The following MACO1 variants were observed in gnomAD, a reference collection of about 807,000 sequenced individuals.
The protein encoded by MACO1 is macoilin.
MACO1 carries 14 observed loss-of-function variants against 78.7 expected under a neutral mutation model. The ratio of observed to expected loss-of-function variants is 0.18; its 90% confidence interval spans 0.12 to 0.28. The LOEUF is 0.28. Ranked by LOEUF, MACO1 falls within the 10% of genes least tolerant of loss-of-function variation. MACO1 has a pLI of 1.00. For missense variants in MACO1, 501 were observed against 799.0 expected (o/e 0.63, Z 4.50); for synonymous variants, 288 against 291.6 (o/e 0.99, Z 0.12).
chr1:25,448,325 G>A (rs1190990221), intron 2 of MACO1, among the ~76,000 whole-genome samples: 2 of 152,146 alleles, frequency 1.3e-5, no homozygotes, highest in Non-Finnish European at 2.9e-5. Flanking sequence ...TTAGTTGGGT[G>A]TAGTGGCAAG....
chr1:25,458,795 AAGC>A lies in MACO1; in HGVS notation c.1060_1062del (p.Gln354del). On this transcript the variant is annotated inframe_deletion, in exon 6 of 11. Transcript: ENST00000374343. ...TTCCTCATCTAGTAAAAATGAGAAG[AAGC>A]AGAAATGCACTAGCAAGAGCCCAAG... is the stretch of plus-strand genomic sequence containing the variant. The A allele has an allele frequency of 6.2e-7, 1 of 1,614,198 alleles. No homozygotes were observed. Among genetic ancestry groups the A allele is most frequent in the South Asian group, 1.1e-5 (1 of 91,082 alleles).
intron 1 of MACO1, among the ~76,000 whole-genome samples, chr1:25,439,683 T>C (rs1156398285): frequency 6.6e-6 from 1 of 151,996 alleles, no homozygotes; most frequent in Admixed American, 6.5e-5. Context: ...TTTTTTTTTT[T>C]TGTCAAAAAA....
intron 9 of MACO1, among the ~76,000 whole-genome samples, chr1:25,491,105 G>A (rs1359626935): frequency 6.6e-6 from 1 of 152,204 alleles, no homozygotes; most frequent in East Asian, 1.9e-4. Flanking sequence ...CACGTGGCCA[G>A]CAAGGAAAAA....
intron 1 of MACO1, among the ~76,000 whole-genome samples, chr1:25,431,915 T>C (rs1347738171): frequency 6.7e-5 from 2 of 29,690 alleles, no homozygotes; most frequent in Non-Finnish European, 1.5e-4. Context: ...CTCCAAACTC[T>C]TTTTTTTTTT....
At chr1:25,438,989 T>G (rs916888677) in intron 1 of MACO1, among the ~76,000 whole-genome samples, 1 of 152,130 alleles carries the variant, frequency 6.6e-6, no homozygotes, top group Admixed American at 6.5e-5. Context: ...CACATTTGTT[T>G]ATATAGAAAA....
At chr1:25,489,999 A>G (rs1449151920) in intron 9 of MACO1, among the ~76,000 whole-genome samples, 1 of 152,224 alleles carries the variant, frequency 6.6e-6, no homozygotes, top group East Asian at 1.9e-4. Flanking sequence ...AAAAAATTAG[A>G]AACTCATCTC....
chr1:25,454,907 G>GC (rs916874852), intron 4 of MACO1, among the ~76,000 whole-genome samples: 7 of 152,030 alleles, frequency 4.6e-5, no homozygotes, highest in African/African-American at 7.3e-5. Context: ...AAGACCATGA[G>GC]CCCCCCCTTT....
At chr1:25,453,435 G>C (rs2043085852) in intron 3 of MACO1, among the ~76,000 whole-genome samples, 2 of 151,070 alleles carry the variant, frequency 1.3e-5, no homozygotes, top group Admixed American at 1.3e-4. Context: ...AGGCTGAGGT[G>C]GGCGGATCAC....
intron 1 of MACO1, among the ~76,000 whole-genome samples, chr1:25,434,013 A>G (rs552606860): frequency 5.3e-5 from 8 of 152,314 alleles, no homozygotes; most frequent in African/African-American, 1.7e-4. Context: ...CTTTTAAATC[A>G]TGGGCTGCAG....
In MACO1 at chr1:25,490,749, A is replaced by G. The variant is rs560639246; in HGVS notation, c.1618-661A>G. Among the ~76,000 whole-genome samples the G allele has an allele frequency of 2.9e-4, 44 of 152,332 alleles. 2 individuals carry two copies. The highest frequency in any genetic ancestry group is 5.6e-4 in the Non-Finnish European group (38 of 68,018). On this transcript the variant is annotated intron_variant, in intron 9 of 10. Coordinates refer to ENST00000374343, the MANE Select transcript of MACO1 (RefSeq NM_018202.6). ...ATTTTATTTTCAAACAATAGTTAAAATCATTTAGTTTTTAAAAGACTATGT... is the reference window on the plus strand; with the variant it reads ...ATTTTATTTTCAAACAATAGTTAAAGTCATTTAGTTTTTAAAAGACTATGT...
intron 6 of MACO1, among the ~76,000 whole-genome samples, chr1:25,473,802 TC>T (rs2043295907): frequency 6.6e-6 from 1 of 152,248 alleles, no homozygotes; most frequent in African/African-American, 2.4e-5. Context: ...GTATATTTCA[TC>T]TTTGCAAATC....
chr1:25,440,226 T>G (rs2042957583), intron 1 of MACO1, among the ~76,000 whole-genome samples: 1 of 98,000 alleles, frequency 1.0e-5, no homozygotes, highest in South Asian at 3.0e-4. Context: ...ACATCCCATC[T>G]CTACAAAAAA....
chr1:25,476,056 A>G (rs1325681682), intron 6 of MACO1, among the ~76,000 whole-genome samples: 2 of 152,248 alleles, frequency 1.3e-5, no homozygotes, highest in African/African-American at 2.4e-5. Context: ...TACATAAGAT[A>G]TGAATATTAA....
intron 3 of MACO1, among the ~76,000 whole-genome samples, chr1:25,450,006 G>A (rs922788873): frequency 2.6e-4 from 39 of 152,154 alleles, no homozygotes; most frequent in African/African-American, 9.4e-4. Context: ...GTGACAGAGC[G>A]AGACTCCATC....
chr1:25,454,462 GTGTGTGTGTA>G (rs199972917), intron 4 of MACO1, 80 bp downstream of exon 4: 7 of 191,640 alleles, frequency 3.7e-5, no homozygotes, highest in African/African-American at 1.9e-4. Context: ...GTGTGTGTGT[GTGTGTGTGTA>G]TATATATATA....
At chr1:25,437,785 G>C (rs1281812915) in intron 1 of MACO1, among the ~76,000 whole-genome samples, 10 of 152,134 alleles carry the variant, frequency 6.6e-5, no homozygotes, top group Admixed American at 5.2e-4. Context: ...GCTGGGTGTG[G>C]TGTCACATTC....
intron 6 of MACO1, among the ~76,000 whole-genome samples, chr1:25,461,986 C>T (rs1269822866): frequency 6.6e-6 from 1 of 152,136 alleles, no homozygotes; most frequent in East Asian, 1.9e-4. Context: ...ATCTTACTTC[C>T]TCCCACCCTT....
rs1042351438 is a variant in MACO1, at chr1:25,485,886, C to T, written c.1496+91C>T. 11 of 1,380,552 alleles carry T rather than the reference C, an allele frequency of 8.0e-6. No individual in the cohort carries two copies. The highest frequency in any genetic ancestry group is 1.9e-4 in the Middle Eastern group (1 of 5,276). The allele number at this position is 1,380,552 out of a possible 1,614,324, so 85.5% of individuals were successfully genotyped here. On this transcript the variant is annotated intron_variant, in intron 8 of 10. Transcript: ENST00000374343. This position sits in a 1 kb window ranked among gnomAD's most constrained non-coding sequence, Gnocchi z 4.3. ...ATTTGGTGCCTTGGGCAGGATTGGA[C>T]GTACAGCAATCATGCACGGATGGAT...
chr1:25,452,543 TA>T (rs2043076058), intron 3 of MACO1, among the ~76,000 whole-genome samples: 2 of 152,230 alleles, frequency 1.3e-5, no homozygotes, highest in South Asian at 2.1e-4. Flanking sequence ...ACTTAAGGAT[TA>T]TTTTTTTTAT....
Sources: gnomAD v4.1 joint callset for allele counts (sites outside exome capture counted in the v4.1 genomes callset) on GRCh38, gnomAD v4.1.1 for gene constraint, Gnocchi (gnomAD v3.1) non-coding constraint, MANE v1.5 for transcripts, NCBI Gene and HGNC (gene_info 2026-07-23, HGNC 2026-07-21) for gene names.